RABGAP1L: variants seen among roughly 807,000 people sequenced by gnomAD.
RABGAP1L encodes rab GTPase-activating protein 1-like.
RABGAP1L carries 63 observed loss-of-function variants against 137.7 expected under a neutral mutation model. The ratio of observed to expected loss-of-function variants is 0.46; its 90% CI spans 0.37 to 0.56. RABGAP1L has a LOEUF of 0.56. Ranked by LOEUF, RABGAP1L falls within the 20% of genes least tolerant of loss-of-function variation. The pLI is 0.00. For missense variants in RABGAP1L, 1,095 were observed against 1,244.0 expected, an observed-to-expected ratio of 0.88 and a Z score of 1.80; for synonymous variants, 431 against 433.7, an observed-to-expected ratio of 0.99 and a Z score of 0.08.
At chr1:174,518,504 A>G (rs762440014) in intron 13 of RABGAP1L, among the ~76,000 whole-genome samples, 21 of 152,064 alleles carry the variant, frequency 1.4e-4, no homozygotes, top group Non-Finnish European at 2.6e-4. Flanking sequence ...CTGTATTGTT[A>G]TTTTTTTCCT....
chr1:174,536,896 AT>A (rs1441569601), intron 13 of RABGAP1L, among the ~76,000 whole-genome samples: 1 of 152,098 alleles, frequency 6.6e-6, no homozygotes, highest in African/African-American at 2.4e-5. Flanking sequence ...TTGGATGTTT[AT>A]TTTACATTTT....
At chr1:174,265,769 AT>A (rs146544938) in intron 7 of RABGAP1L, among the ~76,000 whole-genome samples, 9 of 150,720 alleles carry the variant, frequency 6.0e-5, no homozygotes, top group South Asian at 2.1e-4. Flanking sequence ...CTGTACTGGT[AT>A]TTTTTTTTGT....
At chr1:174,787,264 G>A (rs1044820079) in intron 18 of RABGAP1L, among the ~76,000 whole-genome samples, 7 of 152,128 alleles carry the variant, frequency 4.6e-5, no homozygotes, top group East Asian at 1.9e-4. Context: ...TGAACCGGGC[G>A]TGGTGGTGTG....
Position 174,448,110 on chromosome 1 carries a change from C to A in RABGAP1L, c.1710+53965C>A. 2 of 1,606,160 alleles carry A rather than the reference C, an allele frequency of 1.2e-6. No homozygotes were observed. Among genetic ancestry groups the A allele is most frequent in the Non-Finnish European group, 1.7e-6 (2 of 1,175,454 alleles). The stretch of plus-strand genomic sequence containing the variant: ...CTGCAGGTGTCTTTAAATTTCCAAG[C>A]CATGAATGAATCCAGGTGGACTGAA... On this transcript the variant is annotated intron_variant, in intron 13 of 25. Coordinates refer to ENST00000681986, the MANE Select transcript of RABGAP1L (RefSeq NM_001366446.1). This position sits in a 1 kb window ranked among gnomAD's most constrained non-coding sequence, Gnocchi z 4.2.
intron 21 of RABGAP1L, among the ~76,000 whole-genome samples, chr1:174,973,384 CT>C (rs1373728383): frequency 0.022 from 2,098 of 94,002 alleles, 37 homozygotes; most frequent in African/African-American, 0.063. Flanking sequence ...TCTTTCATTT[CT>C]TTTTTTTTTT....
chr1:174,568,257 G>A (rs1473529793), intron 13 of RABGAP1L, among the ~76,000 whole-genome samples: 1 of 152,096 alleles, frequency 6.6e-6, no homozygotes, highest in African/African-American at 2.4e-5. Flanking sequence ...AAGGGATGGT[G>A]CTAAGCCATT....
chr1:174,477,585 A>G (rs570382800), intron 13 of RABGAP1L, among the ~76,000 whole-genome samples: 8 of 152,172 alleles, frequency 5.3e-5, no homozygotes, highest in Non-Finnish European at 1.0e-4. Flanking sequence ...CAAGGTTCTC[A>G]TGGGGGAGAA....
At chr1:174,318,470 T>C (rs1679605992) in intron 11 of RABGAP1L, among the ~76,000 whole-genome samples, 1 of 152,176 alleles carries the variant, frequency 6.6e-6, no homozygotes, top group Non-Finnish European at 1.5e-5. Flanking sequence ...TGTTTTGTTT[T>C]GTTTTTCTTC....
At chr1:174,752,656 G>A (rs181854683) in intron 18 of RABGAP1L, among the ~76,000 whole-genome samples, 1 of 151,740 alleles carries the variant, frequency 6.6e-6, no homozygotes, top group East Asian at 1.9e-4. Flanking sequence ...GTTAAAAATT[G>A]TTTTCTGTCA....
At chr1:174,209,700 T>A (rs1668742423) in intron 1 of RABGAP1L, among the ~76,000 whole-genome samples, 1 of 152,194 alleles carries the variant, frequency 6.6e-6, no homozygotes, top group Non-Finnish European at 1.5e-5. Flanking sequence ...GACACAAACC[T>A]GGCTGGCTTT....
chr1:174,799,145 T>C (rs1029759008), intron 18 of RABGAP1L, among the ~76,000 whole-genome samples: 10 of 152,382 alleles, frequency 6.6e-5, no homozygotes, highest in Middle Eastern at 3.4e-3. Context: ...TCTTTAAATG[T>C]ATACTCTTAA....
chr1:174,748,838 G>T (rs1684089514), intron 17 of RABGAP1L, among the ~76,000 whole-genome samples: 2 of 151,930 alleles, frequency 1.3e-5, no homozygotes, highest in Middle Eastern at 3.4e-3. Context: ...TGGTGCCACT[G>T]CACTCCAGTC....
intron 19 of RABGAP1L, among the ~76,000 whole-genome samples, chr1:174,902,315 G>A (rs953946733): frequency 1.3e-5 from 2 of 152,202 alleles, no homozygotes; most frequent in African/African-American, 4.8e-5. Context: ...TAGAGGTGGT[G>A]GCTGCCTCTC....
intron 11 of RABGAP1L, among the ~76,000 whole-genome samples, chr1:174,339,374 C>T (rs565048894): frequency 6.6e-6 from 1 of 152,044 alleles, no homozygotes; most frequent in South Asian, 2.1e-4. Flanking sequence ...TGGCAGGCAC[C>T]CAGTTTTCTC....
rs1056793265 is a variant in RABGAP1L, at chr1:174,612,651, C to T, written c.1711-24724C>T. Among the ~76,000 whole-genome samples the T allele has an allele frequency of 2.0e-4, 30 of 152,194 alleles. 1 individual carries two copies. The highest frequency in any genetic ancestry group is 6.3e-4 in the African/African-American group (26 of 41,508). ...GAATGGTACCAGTTACTCCTTGTAC[C>T]TCTGGTAGAATTCGGCTGTGAATCC... On this transcript the variant is annotated intron_variant, in intron 13 of 25. Transcript: ENST00000681986.
At chr1:174,930,163 C>T (rs758251369) in intron 19 of RABGAP1L, among the ~76,000 whole-genome samples, 2 of 151,680 alleles carry the variant, frequency 1.3e-5, no homozygotes, top group African/African-American at 2.4e-5. Context: ...AAAGTAATTT[C>T]TTTAACTCCT....
At chr1:174,776,513 C>G (rs1207623044) in intron 18 of RABGAP1L, among the ~76,000 whole-genome samples, 1 of 152,172 alleles carries the variant, frequency 6.6e-6, no homozygotes, top group Non-Finnish European at 1.5e-5. Flanking sequence ...ACAAATGACT[C>G]TTTTTTAGGC....
At chr1:174,616,464 G>A (rs1169923313) in intron 13 of RABGAP1L, among the ~76,000 whole-genome samples, 1 of 152,146 alleles carries the variant, frequency 6.6e-6, no homozygotes, top group Admixed American at 6.5e-5. Flanking sequence ...CATTTACCTA[G>A]TGCCTACTAA....
chr1:174,992,986 T>C lies in RABGAP1L; in HGVS notation c.*2985T>C, dbSNP rs1168896457. The C allele has an allele frequency of 2.6e-5, 4 of 152,198 alleles. No individual in the cohort carries two copies. The East Asian group carries it at 5.8e-4, about 22-fold the overall frequency. The allele number at this position is 152,198 out of a possible 1,614,324, so 9.4% of individuals were successfully genotyped here. On this transcript the variant is annotated 3_prime_UTR_variant, in exon 26 of 26. Transcript: ENST00000681986. Reference sequence around the variant, plus strand: ...TTTGCAGTATCTAAGAATTGATCATTTCTATTTTCATTAAATTCTGTGGAA... The same window carrying C: ...TTTGCAGTATCTAAGAATTGATCATCTCTATTTTCATTAAATTCTGTGGAA...
Sources: gnomAD v4.1 joint callset for allele counts (sites outside exome capture counted in the v4.1 genomes callset) on GRCh38, gnomAD v4.1.1 for gene constraint, Gnocchi (gnomAD v3.1) non-coding constraint, MANE v1.5 for transcripts, NCBI Gene and HGNC (gene_info 2026-07-23, HGNC 2026-07-21) for gene names.